Variants in LARP4 observed in about 807,000 individuals in gnomAD.
The protein encoded by LARP4 is La ribonucleoprotein 4, also known as la-related protein 4.
Under a neutral mutation model 92.9 loss-of-function variants are expected in LARP4, and 29 were observed. The ratio of observed to expected loss-of-function variants is 0.31; its 90% CI spans 0.23 to 0.43. The LOEUF is 0.43. Ranked by LOEUF, LARP4 falls within the 20% of genes least tolerant of loss-of-function variation. The pLI, the probability that LARP4 is intolerant of heterozygous loss-of-function variation, is 1.00. For missense variants in LARP4, 732 were observed against 860.0 expected (o/e 0.85, Z 1.86); for synonymous variants, 279 against 284.1 (o/e 0.98, Z 0.18).
intron 10 of LARP4, among the ~76,000 whole-genome samples, chr12:50,456,079 C>G (rs920253822): frequency 4.6e-5 from 7 of 152,014 alleles, no homozygotes; most frequent in African/African-American, 1.7e-4. Flanking sequence ...TCACCCCTCC[C>G]CGCTCCCCCC....
At chr12:50,470,232 AG>A (rs1025060966) in intron 13 of LARP4, among the ~76,000 whole-genome samples, 1 of 145,506 alleles carries the variant, frequency 6.9e-6, no homozygotes, top group Non-Finnish European at 1.5e-5. Context: ...AAAAAAAAAA[AG>A]ACTATCTTTA....
Position 50,440,593 on chromosome 12 carries a change from A to C in LARP4, c.750+44A>C, listed in dbSNP as rs116335691. 3 of 1,267,920 alleles carry C rather than the reference A, an allele frequency of 2.4e-6. No homozygotes were observed. In the African/African-American group the frequency reaches 4.4e-5, roughly 19 times the overall value. The allele number at this position is 1,267,920 out of a possible 1,614,324, so 78.5% of individuals were successfully genotyped here. A position where few individuals can be genotyped will look rare whatever the true frequency, so the allele number is the denominator to read the frequency against. ...CTGATACAAGTCCATCCTAGTGGCA[A>C]AATAAGTAGTGGTATATTTTAATTG... On this transcript the variant is annotated intron_variant, in intron 7 of 15. Transcript: ENST00000398473.
Position 50,475,787 on chromosome 12 carries a change from A to G in LARP4, c.2098A>G (p.Ser700Gly), listed in dbSNP as rs1957481435. 1 of 1,614,214 alleles carries G rather than the reference A, an allele frequency of 6.2e-7. No homozygotes were observed. The highest frequency in any genetic ancestry group is 8.5e-7 in the Non-Finnish European group (1 of 1,180,046). Residue 700 changes from serine (S) to glycine (G), a missense_variant, in exon 16 of 16, where the codon AGC becomes GGC. Ser to Gly is a moderately conservative substitution (Grantham distance 56, BLOSUM62 0). Coordinates refer to ENST00000398473, the MANE Select transcript of LARP4 (RefSeq NM_052879.5). ...GKIREQRRQF[S>G]HRAIPQGVTR... ...AATCAGGGAACAGAGACGCCAGTTT[A>G]GCCATAGGGCTATACCTCAGGGAGT...
chr12:50,472,473 T>C (rs1038017217), intron 13 of LARP4, among the ~76,000 whole-genome samples: 2 of 152,092 alleles, frequency 1.3e-5, no homozygotes, highest in African/African-American at 4.8e-5. Flanking sequence ...CTTTCATTCA[T>C]GTTGAGCGTG....
chr12:50,415,045 A>G lies in LARP4; in HGVS notation c.19-12717A>G, dbSNP rs543832575. ...TTGTGAAACCCTGTGTCTACTAAAC[A>G]TACTTAAATTAGCCCAGCATGGTGG... is the stretch of plus-strand genomic sequence containing the variant. On this transcript the variant is annotated intron_variant, in intron 1 of 15. Coordinates refer to ENST00000398473, the MANE Select transcript of LARP4 (RefSeq NM_052879.5). Among the ~76,000 whole-genome samples, 11 of 152,168 alleles carry G rather than the reference A, an allele frequency of 7.2e-5. No homozygotes were observed. The East Asian group carries it at 1.9e-3, about 27-fold the overall frequency.
chr12:50,433,618 T>C (rs1198225763), intron 4 of LARP4, among the ~76,000 whole-genome samples: 1 of 151,814 alleles, frequency 6.6e-6, no homozygotes, highest in Admixed American at 6.6e-5. Flanking sequence ...AGTTGTCTTA[T>C]TTTCAGATTC....
Position 50,474,185 on chromosome 12 carries a change from G to C in LARP4, c.1836+18G>C. On this transcript the variant is annotated intron_variant, in intron 15 of 15. Transcript: ENST00000398473. ...CTCTACAGGTAACTTGAAGATTTTA[G>C]TTTATGTTAAAAAAAATACAATAGA... The C allele has an allele frequency of 6.5e-7, 1 of 1,537,732 alleles. No individual in the cohort carries two copies. The highest frequency in any genetic ancestry group is 8.8e-7 in the Non-Finnish European group (1 of 1,137,974).
chr12:50,415,729 C>T (rs953884388), intron 1 of LARP4: 5 of 146,968 alleles, frequency 3.4e-5, no homozygotes, highest in Admixed American at 1.4e-4. Flanking sequence ...CACTTTGTTA[C>T]CCCGGCTGGA....
At chr12:50,453,404 G>A (rs1953631991) in intron 8 of LARP4, 56 bp from the exon 9 acceptor site, 2 of 1,010,038 alleles carry the variant, frequency 2.0e-6, no homozygotes, top group Admixed American at 1.9e-5. Context: ...TAAATTAAAT[G>A]TATTTTTTAA....
intron 12 of LARP4, among the ~76,000 whole-genome samples, chr12:50,463,643 T>A (rs973802363): frequency 6.6e-5 from 10 of 152,052 alleles, no homozygotes; most frequent in African/African-American, 2.4e-4. Flanking sequence ...TAGGGTACAC[T>A]GATGCAAGGG....
At chr12:50,414,850 G>A (rs940093753) in intron 1 of LARP4, among the ~76,000 whole-genome samples, 1 of 152,020 alleles carries the variant, frequency 6.6e-6, no homozygotes, top group African/African-American at 2.4e-5. Context: ...TCACTTGTGG[G>A]TTCAATACTG....
In LARP4 at chr12:50,478,834, A is replaced by G. The variant is rs115882099; in HGVS notation, c.*2970A>G. On this transcript the variant is annotated 3_prime_UTR_variant, in exon 16 of 16. Coordinates refer to ENST00000398473, the MANE Select transcript of LARP4 (RefSeq NM_052879.5). ...ACACTGACATTTAAAATAGTGATCC[A>G]TCTAAATTTTTTTCAGCTGGGTTTT... 6.6e-6 allele frequency: 1 copy of G among 152,166 alleles called. No individual in the cohort carries two copies. Among genetic ancestry groups the G allele is most frequent in the African/African-American group, 2.4e-5 (1 of 41,434 alleles). The allele number at this position is 152,166 out of a possible 1,614,324, so 9.4% of individuals were successfully genotyped here. A position where few individuals can be genotyped will look rare whatever the true frequency, so the allele number is the denominator to read the frequency against.
intron 1 of LARP4, among the ~76,000 whole-genome samples, chr12:50,412,783 G>A (rs996268617): frequency 6.6e-6 from 1 of 152,118 alleles, no homozygotes; most frequent in Non-Finnish European, 1.5e-5. Context: ...TGCATACTAT[G>A]TATATGTTGG....
At chr12:50,435,977 G>T (rs1480281363) in intron 5 of LARP4, among the ~76,000 whole-genome samples, 1 of 91,264 alleles carries the variant, frequency 1.1e-5, no homozygotes, top group Non-Finnish European at 2.6e-5. Context: ...TGGGGTCTTG[G>T]TATGTTCCCC....
intron 1 of LARP4, among the ~76,000 whole-genome samples, chr12:50,421,454 CA>C (rs936013134): frequency 5.9e-5 from 9 of 151,606 alleles, no homozygotes; most frequent in African/African-American, 2.2e-4. Flanking sequence ...CCAGCCTGGA[CA>C]ATATGGTGAA....
intron 1 of LARP4, among the ~76,000 whole-genome samples, chr12:50,423,751 A>AT (rs35992539): frequency 0.012 from 1,532 of 130,684 alleles, 19 homozygotes; most frequent in African/African-American, 0.033. Flanking sequence ...CCGGCCTGTA[A>AT]TTTTTTTTTT....
At position 50,429,634 on chromosome 12, in the gene LARP4, G is replaced by T. The variant is rs773071021; in HGVS notation, c.322+544G>T. 1.2e-3 allele frequency among the ~76,000 whole-genome samples: 176 copies of T among 152,116 alleles called. 2 individuals carry two copies. Among genetic ancestry groups the T allele is most frequent in the South Asian group, 1.5e-3 (7 of 4,808 alleles). ...TATGGTAAGCAATTGGTGTTTTTTT[G>T]TTGTTGTTTTTTTGTTGTTGTTGAG... is the stretch of plus-strand genomic sequence containing the variant. On this transcript the variant is annotated intron_variant, in intron 3 of 15. Coordinates refer to ENST00000398473, the MANE Select transcript of LARP4 (RefSeq NM_052879.5).
rs60797979 is a variant in LARP4 at position 50,433,269 on chromosome 12, A to AT, written c.399-2199dup. Among the ~76,000 whole-genome samples the AT allele has an allele frequency of 6.3e-3, 743 of 117,238 alleles. 12 individuals carry two copies. Among genetic ancestry groups the AT allele is most frequent in the Middle Eastern group, 0.022 (5 of 232 alleles). 76.9% of individuals were successfully genotyped at this position (117,238 alleles called of 152,430 possible). A position where few individuals can be genotyped will look rare whatever the true frequency, so the allele number is the denominator to read the frequency against. On this transcript the variant is annotated intron_variant, in intron 4 of 15. Coordinates refer to ENST00000398473, the MANE Select transcript of LARP4 (RefSeq NM_052879.5). ...GCTTTCCCAGATCTCCAAAAACGTG[A>AT]TTTTTTTTTTTTTTTTTTTTGTAGT... is the stretch of plus-strand genomic sequence containing the variant.
intron 8 of LARP4, among the ~76,000 whole-genome samples, chr12:50,443,813 A>G (rs765837645): frequency 6.6e-6 from 1 of 151,868 alleles, no homozygotes; most frequent in Admixed American, 6.6e-5. Context: ...GGGTTTTGCC[A>G]TGTTTGCCAA....
Sources: gnomAD v4.1 joint callset for allele counts (sites outside exome capture counted in the v4.1 genomes callset) on GRCh38, gnomAD v4.1.1 for gene constraint, MANE v1.5 for transcripts, NCBI Gene and HGNC (gene_info 2026-07-23, HGNC 2026-07-21) for gene names.